Variants in NRXN3 observed in about 807,000 individuals in gnomAD.
NRXN3 encodes neurexin 3.
A neutral mutation model predicts 137.6 loss-of-function variants in NRXN3; 32 were observed. The observed-to-expected ratio is 0.23, with a 90% CI of 0.18 to 0.31. The LOEUF is 0.31. Among genes scored for constraint, NRXN3 ranks in the 10% least tolerant of loss-of-function variants. The probability of loss-of-function intolerance (pLI) is 1.00; values close to 1 mark genes in which losing one functional copy is unlikely to be tolerated. For synonymous variants in NRXN3, 798 were observed against 784.5 expected (o/e 1.02, Z -0.29); for missense variants, 1,574 against 2,062.5 (o/e 0.76, Z 4.59).
At chr14:79,486,377 C>A (rs1258074308) in intron 16 of NRXN3, among the ~76,000 whole-genome samples, 1 of 152,158 alleles carries the variant, frequency 6.6e-6, no homozygotes, top group Non-Finnish European at 1.5e-5. Flanking sequence ...ACAGAAACAT[C>A]AGGCATTTTA....
chr14:78,286,417 C>T (rs563100213), intron 3 of NRXN3, among the ~76,000 whole-genome samples: 7 of 152,148 alleles, frequency 4.6e-5, no homozygotes, highest in African/African-American at 7.2e-5. Flanking sequence ...ACCTCCTACA[C>T]GACTCAGCTA....
chr14:78,236,243 A>G (rs1049024271), intron 1 of NRXN3, among the ~76,000 whole-genome samples: 1 of 152,154 alleles, frequency 6.6e-6, no homozygotes, highest in Non-Finnish European at 1.5e-5. Context: ...GGATTCCTTC[A>G]CCCCTTTGCC....
chr14:78,567,288 A>G (rs368326072), intron 4 of NRXN3, among the ~76,000 whole-genome samples: 188 of 152,360 alleles, frequency 1.2e-3, no homozygotes, highest in African/African-American at 4.2e-3. Context: ...GCAAGAGTAC[A>G]TAGAAAGGTA....
chr14:79,240,041 A>G (rs2074025617), intron 15 of NRXN3, among the ~76,000 whole-genome samples: 1 of 152,128 alleles, frequency 6.6e-6, no homozygotes. Flanking sequence ...GTCAAATGGT[A>G]AAAAATTTTA....
chr14:79,785,800 A>G (rs2099127688), intron 19 of NRXN3, among the ~76,000 whole-genome samples: 1 of 152,232 alleles, frequency 6.6e-6, no homozygotes, highest in East Asian at 1.9e-4. Context: ...TGAGACCACT[A>G]ACCAGAATTT....
At chr14:78,183,923 G>A (rs1010552941) in intron 1 of NRXN3, among the ~76,000 whole-genome samples, 1 of 152,180 alleles carries the variant, frequency 6.6e-6, no homozygotes, top group African/African-American at 2.4e-5. Context: ...GAAGTAAGAA[G>A]GTTGCCTCGT....
intron 8 of NRXN3, among the ~76,000 whole-genome samples, chr14:78,782,367 A>C (rs1287073470): frequency 6.6e-6 from 1 of 152,156 alleles, no homozygotes; most frequent in Non-Finnish European, 1.5e-5. Context: ...TTTGGGAAAA[A>C]TTAATTACTA....
chr14:79,090,468 T>C (rs1266179140), intron 15 of NRXN3, among the ~76,000 whole-genome samples: 1 of 152,150 alleles, frequency 6.6e-6, no homozygotes, highest in East Asian at 1.9e-4. Context: ...TTGTTCTTTC[T>C]TTTCTCATCT....
intron 8 of NRXN3, among the ~76,000 whole-genome samples, chr14:78,777,144 T>C (rs563106987): frequency 3.2e-4 from 49 of 152,334 alleles, no homozygotes; most frequent in African/African-American, 1.0e-3. Context: ...CAAATCCTTA[T>C]TATCTAGAAG....
At chr14:79,080,940 A>G (rs1203997609) in intron 15 of NRXN3, among the ~76,000 whole-genome samples, 1 of 152,044 alleles carries the variant, frequency 6.6e-6, no homozygotes, top group Non-Finnish European at 1.5e-5. Flanking sequence ...CCGGTGGTTT[A>G]TCTTCTTATC....
chr14:79,670,966 G>GAT (rs1316033140), intron 17 of NRXN3, among the ~76,000 whole-genome samples: 1 of 152,130 alleles, frequency 6.6e-6, no homozygotes, highest in African/African-American at 2.4e-5. Context: ...GTTCCAAAGT[G>GAT]AGGGACATGT....
At chr14:78,759,292 A>C (rs1263262628) in intron 8 of NRXN3, among the ~76,000 whole-genome samples, 1 of 152,204 alleles carries the variant, frequency 6.6e-6, no homozygotes, top group African/African-American at 2.4e-5. Flanking sequence ...AACAACGACA[A>C]ACATTAAGTC....
At chr14:78,265,920 C>T (rs978972492) in intron 2 of NRXN3, among the ~76,000 whole-genome samples, 5 of 152,198 alleles carry the variant, frequency 3.3e-5, no homozygotes, top group African/African-American at 1.2e-4. Flanking sequence ...TCCAAGAGTG[C>T]AAGACCTGTG....
chr14:78,808,580 G>T (rs974894506), intron 9 of NRXN3, among the ~76,000 whole-genome samples: 2 of 152,036 alleles, frequency 1.3e-5, no homozygotes, highest in Middle Eastern at 3.2e-3. Context: ...CTCACCAGGG[G>T]CATGGCCTCC....
chr14:78,547,384 G>A (rs1438821398), intron 4 of NRXN3, among the ~76,000 whole-genome samples: 1 of 151,888 alleles, frequency 6.6e-6, no homozygotes, highest in Non-Finnish European at 1.5e-5. Flanking sequence ...ATTTTTAGTA[G>A]AGATGGGTTT....
At chr14:79,755,124 T>A (rs1382437796) in intron 19 of NRXN3, among the ~76,000 whole-genome samples, 1 of 152,078 alleles carries the variant, frequency 6.6e-6, no homozygotes, top group Non-Finnish European at 1.5e-5. Context: ...GAAAAAAACT[T>A]TTTATAAGTG....
At chr14:79,571,196 G>A (rs1399312066) in intron 16 of NRXN3, among the ~76,000 whole-genome samples, 2 of 152,116 alleles carry the variant, frequency 1.3e-5, no homozygotes, top group Non-Finnish European at 2.9e-5. Flanking sequence ...GGTACGCTGT[G>A]GCATGGCTTA....
At position 78,758,786 on chromosome 14, in the gene NRXN3, C is replaced by T. The variant is rs573218013; in HGVS notation, c.2044+43647C>T. The stretch of plus-strand genomic sequence containing the variant: ...CATTCTGTCCTTTTATGGTTTATTT[C>T]AACATACTTAGCATAAAGCCTAGAG... On this transcript the variant is annotated intron_variant, in intron 8 of 20. Transcript: ENST00000335750. 1.5e-3 allele frequency among the ~76,000 whole-genome samples: 235 copies of T among 152,320 alleles called. 1 individual carries two copies. The highest frequency in any genetic ancestry group is 6.8e-3 in the Middle Eastern group (2 of 294).
At chr14:79,038,277 G>A (rs568059816) in intron 15 of NRXN3, among the ~76,000 whole-genome samples, 67 of 152,024 alleles carry the variant, frequency 4.4e-4, no homozygotes, top group African/African-American at 1.6e-3. Flanking sequence ...TAAAAATGTG[G>A]AATGAAAAGA....
Sources: allele counts gnomAD v4.1 joint callset (sites outside exome capture counted in the v4.1 genomes callset), GRCh38; gene constraint gnomAD v4.1.1; transcripts MANE v1.5; gene names NCBI Gene and HGNC (gene_info 2026-07-23, HGNC 2026-07-21).